The following MRO variants were observed in gnomAD, a reference collection of about 807,000 sequenced individuals.
The protein encoded by MRO is protein maestro.
Under a neutral mutation model 31.0 loss-of-function variants are expected in MRO, and 28 were observed. The observed-to-expected ratio is 0.90, with a 90% CI of 0.67 to 1.24. The LOEUF (loss-of-function observed/expected upper bound fraction) is 1.24, where lower values mean the gene tolerates loss of function less well. MRO is among the 50% of genes most tolerant of loss of function. MRO has a pLI of 0.00. For synonymous variants in MRO, 108 were observed against 108.4 expected (o/e 1.00, Z 0.02); for missense variants, 332 against 289.2 (o/e 1.15, Z -1.07).
chr18:50,807,587 C>A (rs1914070770), intron 3 of MRO, among the ~76,000 whole-genome samples: 1 of 152,014 alleles, frequency 6.6e-6, no homozygotes, highest in Non-Finnish European at 1.5e-5. Flanking sequence ...ATCTAGTACA[C>A]ATCTACAAAC....
intron 2 of MRO, chr18:50,815,330 C>T (rs982861793): frequency 2.3e-5 from 6 of 266,484 alleles, no homozygotes; most frequent in African/African-American, 6.8e-5. Context: ...TAATTTTTGC[C>T]GTGGTGGGAA....
At position 50,796,876 on chromosome 18, in the gene MRO, G is replaced by GAAAC. The variant is rs1336656488; in HGVS notation, c.*2457_*2460dup. 3 of 152,120 alleles carry GAAAC rather than the reference G, an allele frequency of 2.0e-5. No individual in the cohort carries two copies. The highest frequency in any genetic ancestry group is 6.5e-5 in the Admixed American group (1 of 15,282). The allele number at this position is 152,120 out of a possible 1,614,324, so 9.4% of individuals were successfully genotyped here. On this transcript the variant is annotated 3_prime_UTR_variant, in exon 8 of 8. Transcript: ENST00000398439. Reference sequence around the variant, plus strand: ...TCTGTGGTAGGTATGGTGAGAAACAGAAACAAACAAACAAAAAAACATAGT... The same window carrying GAAAC: ...TCTGTGGTAGGTATGGTGAGAAACAGAAACAAACAAACAAACAAAAAAACATAGT...
At chr18:50,806,917 C>G in intron 3 of MRO, 67 bp from the exon 4 acceptor site, 1 of 1,492,930 alleles carries the variant, frequency 6.7e-7, no homozygotes, top group Non-Finnish European at 9.2e-7. Flanking sequence ...CAACCCCAAT[C>G]TCTCCCTCTA....
At position 50,796,218 on chromosome 18, in the gene MRO, A is replaced by T. The variant is rs1912779200; in HGVS notation, c.*3119T>A. The T allele has an allele frequency of 6.6e-6, 1 of 152,144 alleles. No individual in the cohort carries two copies. Among genetic ancestry groups the T allele is most frequent in the Non-Finnish European group, 1.5e-5 (1 of 68,024 alleles). The allele number at this position is 152,144 out of a possible 1,614,324, so 9.4% of individuals were successfully genotyped here. On this transcript the variant is annotated 3_prime_UTR_variant, in exon 8 of 8. Coordinates refer to ENST00000398439, the MANE Select transcript of MRO (RefSeq NM_031939.6). ...CCTGTACATTGGTTATAAGGAATGAAATTGGTGACCCTCATTTGTCAAAAT... is the reference window on the plus strand; with the variant it reads ...CCTGTACATTGGTTATAAGGAATGATATTGGTGACCCTCATTTGTCAAAAT...
At chr18:50,811,134 A>G (rs1009743683) in intron 2 of MRO, among the ~76,000 whole-genome samples, 1 of 152,228 alleles carries the variant, frequency 6.6e-6, no homozygotes, top group African/African-American at 2.4e-5. Flanking sequence ...TAGGCTACAG[A>G]GGCTAGCTAA....
At chr18:50,825,066 T>C (rs112623076) in intron 1 of MRO, among the ~76,000 whole-genome samples, 17,608 of 139,170 alleles carry the variant, frequency 0.13, 1,108 homozygotes, top group South Asian at 0.17. Flanking sequence ...AAGAGCAAGA[T>C]TCCATCTTAA....
intron 6 of MRO, 75 bp downstream of exon 6, chr18:50,801,274 G>A: frequency 2.2e-6 from 3 of 1,343,016 alleles, no homozygotes; most frequent in Admixed American, 2.3e-5. Flanking sequence ...CCTAGGGTCT[G>A]GCGTCTCAAC....
chr18:50,808,519 C>T (rs921179270), intron 3 of MRO, among the ~76,000 whole-genome samples: 4 of 150,000 alleles, frequency 2.7e-5, no homozygotes, highest in Non-Finnish European at 4.4e-5. Flanking sequence ...AGTGCAGTGG[C>T]ATGATCTCAA....
Position 50,801,418 on chromosome 18 carries a change from G to A in MRO, c.516C>T (p.Thr172=). 6.2e-7 allele frequency: 1 copy of A among 1,611,178 alleles called. No individual in the cohort carries two copies. The highest frequency in any genetic ancestry group is 8.5e-7 in the Non-Finnish European group (1 of 1,178,142). ...FAGRKWKKFF[T]SQVKQTRDSL... Reference sequence around the variant, plus strand: ...AATCTCGTGTCTGCTTAACCTGACTGGTGAAAAATTTTTTCCATTTCCTCC... The same window carrying A: ...AATCTCGTGTCTGCTTAACCTGACTAGTGAAAAATTTTTTCCATTTCCTCC... Residue 172 remains threonine (T), a synonymous_variant, in exon 6 of 8, where the codon ACC becomes ACT. Coordinates refer to ENST00000398439, the MANE Select transcript of MRO (RefSeq NM_031939.6).
Position 50,801,464 on chromosome 18 carries a change from C to G in MRO, c.470G>C (p.Gly157Ala). The G allele has an allele frequency of 6.2e-7, 1 of 1,611,388 alleles. No homozygotes were observed. ...CCTCCCGGCAAAGGCAGCCAATTGC[C>G]CAAACAAAACAAAGGCCGAGTATCT... ...SLRYSAFVLFGQLAAFAGRKW... is the reference protein window; with the variant it reads ...SLRYSAFVLFAQLAAFAGRKW... Residue 157 changes from glycine to alanine, a missense_variant, in exon 6 of 8, where the codon GGG (glycine) becomes GCG (alanine). Coordinates refer to ENST00000398439, the MANE Select transcript of MRO (RefSeq NM_031939.6).
At chr18:50,801,034 A>G (rs1381506692) in intron 6 of MRO, among the ~76,000 whole-genome samples, 2 of 152,192 alleles carry the variant, frequency 1.3e-5, no homozygotes, top group African/African-American at 4.8e-5. Flanking sequence ...GTGGGCATGA[A>G]TAAATATCCT....
At position 50,806,758 on chromosome 18, in the gene MRO, C is replaced by T; in HGVS notation, c.192G>A (p.Lys64=). 2 of 1,614,154 alleles carry T rather than the reference C, an allele frequency of 1.2e-6. No individual in the cohort carries two copies. Among genetic ancestry groups the T allele is most frequent in the Non-Finnish European group, 1.7e-6 (2 of 1,180,036 alleles). The change falls in exon 4 of 8, where the codon AAG becomes AAA. Residue 64 remains lysine, a synonymous_variant. Coordinates refer to ENST00000398439, the MANE Select transcript of MRO (RefSeq NM_031939.6). ...AERARDPSAK[K]RHMAMRNLGT... is the part of the protein sequence containing the mutation. ...CCAAGTTTCTCATTGCCATGTGACG[C>T]TTTTTAGCACTGGGGTCCCGAGCTC...
At chr18:50,809,472 A>T in intron 2 of MRO, 68 bp from the exon 3 acceptor site, 3 of 1,101,932 alleles carry the variant, frequency 2.7e-6, no homozygotes, top group Non-Finnish European at 4.1e-6. Flanking sequence ...TTGTTGTACA[A>T]TGCATTGTGC....
At chr18:50,819,491 G>C (rs1915197523) in intron 2 of MRO, 90 bp downstream of exon 2, 3 of 1,513,506 alleles carry the variant, frequency 2.0e-6, no homozygotes, top group South Asian at 2.5e-5. Flanking sequence ...CTGGTGACCA[G>C]AGTGACATTC....
At chr18:50,818,029 G>C (rs948492705) in intron 2 of MRO, among the ~76,000 whole-genome samples, 21 of 132,262 alleles carry the variant, frequency 1.6e-4, no homozygotes, top group Non-Finnish European at 3.1e-4. Flanking sequence ...TGCCTGCAGT[G>C]CCTCCCTCCT....
intron 2 of MRO, among the ~76,000 whole-genome samples, chr18:50,814,067 A>G (rs1229103316): frequency 1.3e-5 from 2 of 152,172 alleles, no homozygotes; most frequent in African/African-American, 4.8e-5. Context: ...TTCTTTTAAC[A>G]ACTTCATGTT....
chr18:50,819,546 T>G, intron 2 of MRO, 35 bp downstream of exon 2: 1 of 1,550,406 alleles, frequency 6.4e-7, no homozygotes, highest in Non-Finnish European at 8.7e-7. Flanking sequence ...CGCCTCCCGC[T>G]GCATCTGGCT....
rs78337009 is a variant in MRO, at chr18:50,808,155, A to G, written c.99+1147T>C. 6.7e-3 allele frequency among the ~76,000 whole-genome samples: 1,013 copies of G among 152,324 alleles called. 10 individuals are homozygous for G. Among genetic ancestry groups the G allele is most frequent in the African/African-American group, 0.023 (976 of 41,574 alleles). On this transcript the variant is annotated intron_variant, in intron 3 of 7. Transcript: ENST00000398439. ...ATTGCAGGGCCAGGGATGGGGCAAG[A>G]GATAGGCTAGTCTCTGAGCCTTTGT... is the stretch of plus-strand genomic sequence containing the variant.
At chr18:50,821,195 G>A (rs72627211), upstream of MRO, among the ~76,000 whole-genome samples, 800 of 152,320 alleles carry the variant, frequency 5.3e-3, 22 homozygotes, top group East Asian at 0.067. Flanking sequence ...TTTGAAAGTG[G>A]TTGCAAGGGA....
Sources: allele counts gnomAD v4.1 joint callset (sites outside exome capture counted in the v4.1 genomes callset), GRCh38; gene constraint gnomAD v4.1.1; transcripts MANE v1.5; gene names NCBI Gene and HGNC (gene_info 2026-07-23, HGNC 2026-07-21).